The following RNGTT variants were observed in gnomAD, a reference collection of about 807,000 sequenced individuals.
RNGTT encodes RNA guanylyltransferase and 5'-phosphatase.
A neutral mutation model predicts 79.3 loss-of-function variants in RNGTT; 33 were observed. The observed-to-expected ratio is 0.42, with a 90% CI of 0.32 to 0.56. The LOEUF is 0.56. RNGTT is among the 20% of genes least tolerant of loss of function. The pLI, the probability that RNGTT is intolerant of heterozygous loss-of-function variation, is 0.17. For missense variants in RNGTT, 497 were observed against 739.1 expected (o/e 0.67, Z 3.80); for synonymous variants, 222 against 235.9 (o/e 0.94, Z 0.54).
At chr6:88,780,471 G>A (rs748807358) in intron 12 of RNGTT, among the ~76,000 whole-genome samples, 15 of 152,054 alleles carry the variant, frequency 9.9e-5, no homozygotes, top group Non-Finnish European at 1.8e-4. Flanking sequence ...TATAAACAAG[G>A]ATATAAAAAC....
chr6:88,960,002 T>C (rs535611681), intron 1 of RNGTT, among the ~76,000 whole-genome samples: 2 of 152,374 alleles, frequency 1.3e-5, no homozygotes, highest in South Asian at 4.1e-4. Context: ...AGATAATTCA[T>C]GTATGACCTT....
At chr6:88,655,752 C>T (rs1276121748) in intron 14 of RNGTT, among the ~76,000 whole-genome samples, 2 of 152,170 alleles carry the variant, frequency 1.3e-5, no homozygotes, top group African/African-American at 2.4e-5. Context: ...GCCTTACAGC[C>T]ACTCACAATT....
At chr6:88,856,417 T>TACACACACAC (rs138693589) in intron 8 of RNGTT, among the ~76,000 whole-genome samples, 11 of 150,138 alleles carry the variant, frequency 7.3e-5, no homozygotes, top group African/African-American at 2.7e-4. Flanking sequence ...GTATTTATTT[T>TACACACACAC]ACACACACAC....
intron 14 of RNGTT, among the ~76,000 whole-genome samples, chr6:88,669,798 C>T (rs889354453): frequency 5.3e-5 from 8 of 152,240 alleles, no homozygotes; most frequent in African/African-American, 1.9e-4. Context: ...CCTAGGCTTC[C>T]CTGTCTATGC....
chr6:88,666,798 T>C (rs1271478092), intron 14 of RNGTT, among the ~76,000 whole-genome samples: 30 of 152,296 alleles, frequency 2.0e-4, no homozygotes, highest in Non-Finnish European at 2.9e-5. Context: ...GCCAAATCGC[T>C]GCCTCAGGGA....
chr6:88,645,972 G>C (rs1208645146), intron 14 of RNGTT, among the ~76,000 whole-genome samples: 1 of 152,156 alleles, frequency 6.6e-6, no homozygotes, highest in Non-Finnish European at 1.5e-5. Flanking sequence ...AACACCAAAA[G>C]CAATGGCAAC....
chr6:88,946,625 G>GCTCTCCCTCTCCCTCTCCCTCTCC (rs112379823), intron 1 of RNGTT, among the ~76,000 whole-genome samples: 2 of 149,718 alleles, frequency 1.3e-5, no homozygotes, highest in African/African-American at 5.0e-5. Flanking sequence ...CTCGACAGCA[G>GCTCTCCCTCTCCCTCTCCCTCTCC]CTCTCCCTCT....
rs546773053 is a variant in RNGTT, at chr6:88,898,383, T to C, written c.684+6332A>G. Among the ~76,000 whole-genome samples the C allele has an allele frequency of 1.4e-4, 22 of 152,236 alleles. No homozygotes were observed. In the East Asian group the frequency reaches 3.9e-3, roughly 27 times the overall value. On this transcript the variant is annotated intron_variant, in intron 6 of 15. Coordinates refer to ENST00000369485, the MANE Select transcript of RNGTT (RefSeq NM_003800.5). ...TTTTCATGCTGCATGCTGGAAGGAT[T>C]TCATAGCTAGATCCTCTAGCTTGAT...
At chr6:88,794,263 C>G (rs1268472216) in intron 12 of RNGTT, among the ~76,000 whole-genome samples, 1 of 152,088 alleles carries the variant, frequency 6.6e-6, no homozygotes, top group Non-Finnish European at 1.5e-5. Flanking sequence ...TGTTTGGATT[C>G]TGGACTTGGC....
intron 11 of RNGTT, among the ~76,000 whole-genome samples, chr6:88,808,837 G>A (rs1266965696): frequency 6.6e-6 from 1 of 152,116 alleles, no homozygotes; most frequent in Non-Finnish European, 1.5e-5. Context: ...TGCACCTATA[G>A]TCCCAGCTAC....
At position 88,672,296 on chromosome 6, in the gene RNGTT, CAT is replaced by C. The variant is rs553232601; in HGVS notation, c.1506+6055_1506+6056del. On this transcript the variant is annotated intron_variant, in intron 14 of 15. Transcript: ENST00000369485. ...ATAAATGTATACACATATATATACACATATATATAAATGTATACACATATATG... is the reference window on the plus strand; with the variant it reads ...ATAAATGTATACACATATATATACACATATATAAATGTATACACATATATG... Among the ~76,000 whole-genome samples the C allele has an allele frequency of 2.6e-3, 399 of 151,352 alleles. 1 individual carries two copies. The highest frequency in any genetic ancestry group is 6.9e-3 in the Middle Eastern group (2 of 290).
At chr6:88,616,299 T>C (rs560682462) in intron 14 of RNGTT, among the ~76,000 whole-genome samples, 51 of 152,368 alleles carry the variant, frequency 3.3e-4, no homozygotes, top group Admixed American at 2.7e-3. Flanking sequence ...TTTTGGATAA[T>C]GTTGCAAAGA....
At chr6:88,714,385 A>C (rs928953934) in intron 13 of RNGTT, 1 of 152,234 alleles carries the variant, frequency 6.6e-6, no homozygotes, top group Non-Finnish European at 1.5e-5. Flanking sequence ...AGCCCTAGCT[A>C]ACCTAAGCCA....
intron 6 of RNGTT, among the ~76,000 whole-genome samples, chr6:88,895,390 T>C (rs1438705007): frequency 6.6e-6 from 1 of 152,148 alleles, no homozygotes. Context: ...GTAAGCAACA[T>C]ACCTGTAAGT....
At chr6:88,640,750 C>G (rs1773283958) in intron 14 of RNGTT, among the ~76,000 whole-genome samples, 1 of 152,014 alleles carries the variant, frequency 6.6e-6, no homozygotes, top group South Asian at 2.1e-4. Context: ...ATGACCATGA[C>G]AAAGCTGTGA....
At chr6:88,685,799 A>G (rs181497050) in intron 13 of RNGTT, among the ~76,000 whole-genome samples, 112 of 152,164 alleles carry the variant, frequency 7.4e-4, no homozygotes, top group Admixed American at 2.2e-3. Flanking sequence ...TTTCAATTTT[A>G]TCTAAATGAT....
intron 11 of RNGTT, among the ~76,000 whole-genome samples, chr6:88,808,987 T>C (rs1331366697): frequency 2.0e-5 from 3 of 151,164 alleles, no homozygotes; most frequent in Non-Finnish European, 4.4e-5. Flanking sequence ...TATATAATAG[T>C]GTCTACAACA....
In RNGTT at chr6:88,951,853, G is replaced by C. The variant is rs138916840; in HGVS notation, c.65-10673C>G. Among the ~76,000 whole-genome samples the C allele has an allele frequency of 5.5e-3, 840 of 152,206 alleles. 7 individuals carry two copies. The highest frequency in any genetic ancestry group is 0.018 in the African/African-American group (727 of 41,518). On this transcript the variant is annotated intron_variant, in intron 1 of 15. Coordinates refer to ENST00000369485, the MANE Select transcript of RNGTT (RefSeq NM_003800.5). ...GAAAGCAGACAGCAGAATTAGGGAGGGTCATGGGGGGAAAAAAGCTTCCAA... is the reference window on the plus strand; with the variant it reads ...GAAAGCAGACAGCAGAATTAGGGAGCGTCATGGGGGGAAAAAAGCTTCCAA...
At chr6:88,617,096 T>C (rs561551066) in intron 14 of RNGTT, among the ~76,000 whole-genome samples, 95 of 152,142 alleles carry the variant, frequency 6.2e-4, no homozygotes, top group Middle Eastern at 3.4e-3. Context: ...AGTGAAACCC[T>C]GTCTCTACTA....
Sources: gnomAD v4.1 joint callset for allele counts (sites outside exome capture counted in the v4.1 genomes callset) on GRCh38, gnomAD v4.1.1 for gene constraint, MANE v1.5 for transcripts, NCBI Gene and HGNC (gene_info 2026-07-23, HGNC 2026-07-21) for gene names.